CADPS: variants seen among roughly 807,000 people sequenced by gnomAD.
The protein encoded by CADPS is calcium dependent secretion activator.
CADPS carries 57 observed loss-of-function variants against 167.3 expected under a neutral mutation model. The ratio of observed to expected loss-of-function variants is 0.34; its 90% confidence interval spans 0.28 to 0.42. CADPS has a LOEUF of 0.42. Ranked by LOEUF, CADPS falls within the 20% of genes least tolerant of loss-of-function variation. The pLI is 1.00. For synonymous variants in CADPS, 676 were observed against 635.3 expected (o/e 1.06, Z -0.96); for missense variants, 1,414 against 1,738.1 (o/e 0.81, Z 3.32).
intron 7 of CADPS, among the ~76,000 whole-genome samples, chr3:62,588,890 G>C (rs1350152864): frequency 6.6e-6 from 1 of 152,100 alleles, no homozygotes; most frequent in African/African-American, 2.4e-5. Flanking sequence ...TTTTAAAAGA[G>C]GGGGAATATA....
chr3:62,659,539 T>C (rs1220924861), intron 4 of CADPS, among the ~76,000 whole-genome samples: 1 of 152,094 alleles, frequency 6.6e-6, no homozygotes, highest in Non-Finnish European at 1.5e-5. Flanking sequence ...GTGTAGACTC[T>C]GTCTCTGTTT....
intron 7 of CADPS, among the ~76,000 whole-genome samples, chr3:62,591,273 C>G (rs1332849867): frequency 6.6e-6 from 1 of 152,136 alleles, no homozygotes; most frequent in African/African-American, 2.4e-5. Flanking sequence ...AGACAGAAGC[C>G]TGAATGTCTG....
At position 62,412,507 on chromosome 3, in the gene CADPS, G is replaced by A. The variant is rs1485150370; in HGVS notation, c.3778-9322C>T. ...GGAAGGTATAAGGGATTTAACATTT[G>A]GGAGCATTATTTCAACTCCCTTAGG... On this transcript the variant is annotated intron_variant, in intron 28 of 29. Coordinates refer to ENST00000383710, the MANE Select transcript of CADPS (RefSeq NM_003716.4). This position sits in a 1 kb window ranked among gnomAD's most constrained non-coding sequence, Gnocchi z 4.1. 6.6e-6 allele frequency among the ~76,000 whole-genome samples: 1 copy of A among 152,022 alleles called. No homozygotes were observed. The highest frequency in any genetic ancestry group is 6.6e-5 in the Admixed American group (1 of 15,266).
chr3:62,834,826 G>A (rs948343862), intron 1 of CADPS, among the ~76,000 whole-genome samples: 3 of 151,970 alleles, frequency 2.0e-5, no homozygotes, highest in African/African-American at 7.2e-5. Context: ...TAATGCTACA[G>A]TAAAGGACTT....
chr3:62,723,183 A>G (rs746794226), intron 3 of CADPS, among the ~76,000 whole-genome samples: 1 of 152,238 alleles, frequency 6.6e-6, no homozygotes, highest in Non-Finnish European at 1.5e-5. Context: ...GGAAAAGTAC[A>G]GTGCCTTTAG....
intron 3 of CADPS, among the ~76,000 whole-genome samples, chr3:62,678,480 T>G (rs1422157732): frequency 1.3e-5 from 2 of 152,134 alleles, no homozygotes; most frequent in Admixed American, 6.6e-5. Context: ...TTCTAACATC[T>G]GTGTTTCTCA....
chr3:62,769,557 C>T (rs1285898413), intron 1 of CADPS, among the ~76,000 whole-genome samples: 5 of 152,116 alleles, frequency 3.3e-5, no homozygotes, highest in African/African-American at 1.2e-4. Context: ...AGTGTTTGCA[C>T]ATACTATTCC....
intron 1 of CADPS, among the ~76,000 whole-genome samples, chr3:62,802,696 A>T (rs764034600): frequency 6.6e-6 from 1 of 152,188 alleles, no homozygotes; most frequent in Non-Finnish European, 1.5e-5. Context: ...ATAAACAAAC[A>T]CTGATAGATT....
intron 1 of CADPS, among the ~76,000 whole-genome samples, chr3:62,851,002 T>C (rs891223917): frequency 8.9e-5 from 13 of 145,312 alleles, no homozygotes; most frequent in South Asian, 4.6e-4. Flanking sequence ...CTCCTCTTGT[T>C]GAATTGATCC....
chr3:62,456,377 T>C (rs1156277750), intron 26 of CADPS, among the ~76,000 whole-genome samples: 1 of 151,998 alleles, frequency 6.6e-6, no homozygotes, highest in Admixed American at 6.6e-5. Context: ...AAAGCCAGGG[T>C]GAAAATAAAT....
rs996313727 is a variant in CADPS, at chr3:62,465,090, G to A, written c.3636+277C>T. ...GCCAGAGCTAGCTAAGGTGGGCTTA[G>A]GTAGGCAAATCTCTGGATGCATACA... On this transcript the variant is annotated intron_variant, in intron 26 of 29. Transcript: ENST00000383710. This position sits in a 1 kb window ranked among gnomAD's most constrained non-coding sequence, Gnocchi z 4.1. Among the ~76,000 whole-genome samples, 2 of 152,130 alleles carry A rather than the reference G, an allele frequency of 1.3e-5. No individual in the cohort carries two copies.
rs188568802 is a variant in CADPS at position 62,486,182 on chromosome 3, C to T, written c.3027-4313G>A. On this transcript the variant is annotated intron_variant, in intron 21 of 29. Transcript: ENST00000383710. ...ATATTGATGGCCAGGTGCAGTGGCT[C>T]ACGCCTGTGATCCCAGCACTTTGGG... 1.5e-3 allele frequency among the ~76,000 whole-genome samples: 223 copies of T among 152,292 alleles called. 2 individuals carry two copies. Among genetic ancestry groups the T allele is most frequent in the African/African-American group, 4.8e-3 (200 of 41,548 alleles).
At chr3:62,523,199 T>C (rs2071171328) in intron 13 of CADPS, among the ~76,000 whole-genome samples, 1 of 152,172 alleles carries the variant, frequency 6.6e-6, no homozygotes, top group Admixed American at 6.6e-5. Context: ...TCTTTTTTTT[T>C]GTCAAATTGA....
chr3:62,753,733 C>G lies in CADPS; in HGVS notation c.596G>C (p.Ser199Thr). The G allele has an allele frequency of 3.1e-6, 5 of 1,614,144 alleles. No homozygotes were observed. The highest frequency in any genetic ancestry group is 4.2e-6 in the Non-Finnish European group (5 of 1,180,022). Reference protein sequence around the residue: ...KSDRVARMVQSGGCSANDSRE... With the variant: ...KSDRVARMVQTGGCSANDSRE... ...GGAGTCGTTGGCGGAACAGCCTCCACTCTGAACCATGCGGGCCACACGGTC... is the reference window on the plus strand; with the variant it reads ...GGAGTCGTTGGCGGAACAGCCTCCAGTCTGAACCATGCGGGCCACACGGTC... The change falls in exon 3 of 30, where the codon AGT becomes ACT. Residue 199 changes from serine (S) to threonine (T), a missense_variant. This residue lies in a region of CADPS where 522 missense variants were observed against 559.5 expected (regional missense o/e 0.93). Coordinates refer to ENST00000383710, the MANE Select transcript of CADPS (RefSeq NM_003716.4). The surrounding 1 kb of genome is among the most constrained non-coding windows in gnomAD (Gnocchi z 4.6).
intron 11 of CADPS, among the ~76,000 whole-genome samples, chr3:62,547,228 A>T (rs1207804788): frequency 6.6e-6 from 1 of 152,180 alleles, no homozygotes; most frequent in African/African-American, 2.4e-5. Flanking sequence ...ACACTATTAG[A>T]CTGAAGTTCT....
chr3:62,429,346 G>C (rs2053460999), intron 28 of CADPS, among the ~76,000 whole-genome samples: 1 of 152,162 alleles, frequency 6.6e-6, no homozygotes, highest in African/African-American at 2.4e-5. Flanking sequence ...TCCAGATGAT[G>C]CTGATGCTGA....
intron 3 of CADPS, among the ~76,000 whole-genome samples, chr3:62,666,823 C>T (rs1007416818): frequency 7.2e-5 from 11 of 152,098 alleles, no homozygotes; most frequent in Admixed American, 2.6e-4. Flanking sequence ...AAACTCTGTC[C>T]TGTTACTGTA....
At chr3:62,475,598 A>AAC (rs1553787290) in intron 23 of CADPS, among the ~76,000 whole-genome samples, 340 of 148,850 alleles carry the variant, frequency 2.3e-3, no homozygotes, top group African/African-American at 8.0e-3. Context: ...AAAAAAAAAA[A>AAC]AAAAAAAAAA....
intron 3 of CADPS, among the ~76,000 whole-genome samples, chr3:62,713,191 G>T (rs1448978071): frequency 2.0e-5 from 3 of 151,612 alleles, no homozygotes; most frequent in African/African-American, 7.2e-5. Context: ...TAATGTGATG[G>T]GAGTTTGTTT....
Sources: gnomAD v4.1 joint callset for allele counts (sites outside exome capture counted in the v4.1 genomes callset) on GRCh38, gnomAD v4.1.1 for gene constraint, gnomAD v4.1.1 regional missense constraint, Gnocchi (gnomAD v3.1) non-coding constraint, MANE v1.5 for transcripts, NCBI Gene and HGNC (gene_info 2026-07-23, HGNC 2026-07-21) for gene names.